ADAMTS19: variants seen among roughly 807,000 people sequenced by gnomAD.
The protein encoded by ADAMTS19 is A disintegrin and metalloproteinase with thrombospondin motifs 19.
A neutral mutation model predicts 153.3 loss-of-function variants in ADAMTS19; 93 were observed. That is an observed-to-expected ratio of 0.61 (90% CI 0.51 to 0.72). The LOEUF is 0.72. ADAMTS19 is among the 30% of genes least tolerant of loss of function. The probability of loss-of-function intolerance (pLI) is 0.00; values close to 1 mark genes in which losing one functional copy is unlikely to be tolerated. For synonymous variants in ADAMTS19, 600 were observed against 556.6 expected, an observed-to-expected ratio of 1.08 and a Z score of -1.10; for missense variants, 1,482 against 1,552.1, an observed-to-expected ratio of 0.95 and a Z score of 0.76.
At chr5:129,561,428 C>T (rs893150081) in intron 7 of ADAMTS19, among the ~76,000 whole-genome samples, 7 of 151,692 alleles carry the variant, frequency 4.6e-5, no homozygotes, top group Non-Finnish European at 1.0e-4. Context: ...ACTCGGGAGG[C>T]TGAGGCAGGA....
intron 6 of ADAMTS19, 68 bp from the exon 7 acceptor site, chr5:129,551,796 G>A (rs1165612443): frequency 1.1e-6 from 1 of 924,142 alleles, no homozygotes; most frequent in Non-Finnish European, 1.6e-6. Flanking sequence ...TATTAAAAAT[G>A]AGTCACTTGA....
intron 7 of ADAMTS19, among the ~76,000 whole-genome samples, chr5:129,557,551 A>G (rs1260131598): frequency 6.6e-6 from 1 of 152,142 alleles, no homozygotes; most frequent in Non-Finnish European, 1.5e-5. Context: ...GTGAGCCGAG[A>G]TGGTGGCACT....
At chr5:129,652,792 C>A (rs1355029065) in intron 13 of ADAMTS19, among the ~76,000 whole-genome samples, 1 of 152,278 alleles carries the variant, frequency 6.6e-6, no homozygotes, top group South Asian at 2.1e-4. Flanking sequence ...GTTTGCTCTT[C>A]TCTTCAATGA....
At chr5:129,522,477 G>T (rs1200995787) in intron 3 of ADAMTS19, among the ~76,000 whole-genome samples, 1 of 149,854 alleles carries the variant, frequency 6.7e-6, no homozygotes, top group African/African-American at 2.5e-5. Flanking sequence ...TTGTCATCTT[G>T]CATTGACTTG....
chr5:129,525,199 T>C (rs1417066658), intron 3 of ADAMTS19, among the ~76,000 whole-genome samples: 2 of 152,128 alleles, frequency 1.3e-5, no homozygotes, highest in African/African-American at 4.8e-5. Context: ...TATGCAAATA[T>C]TCAACTTTAG....
intron 2 of ADAMTS19, among the ~76,000 whole-genome samples, chr5:129,499,475 T>C (rs1314462370): frequency 6.6e-6 from 1 of 152,042 alleles, no homozygotes; most frequent in East Asian, 1.9e-4. Flanking sequence ...TATGATAGAG[T>C]TGAAAAGGCA....
intron 7 of ADAMTS19, among the ~76,000 whole-genome samples, chr5:129,592,954 A>G (rs1355542641): frequency 6.6e-6 from 1 of 152,138 alleles, no homozygotes; most frequent in African/African-American, 2.4e-5. Context: ...TTTATATTTT[A>G]TATACATTTA....
intron 16 of ADAMTS19, among the ~76,000 whole-genome samples, chr5:129,671,480 C>G (rs965963406): frequency 6.6e-6 from 1 of 152,038 alleles, no homozygotes; most frequent in Admixed American, 6.6e-5. Context: ...CCTAAAGGCT[C>G]CTTTGGGTAT....
chr5:129,533,845 G>A (rs556503476), intron 6 of ADAMTS19, among the ~76,000 whole-genome samples: 23 of 151,894 alleles, frequency 1.5e-4, no homozygotes, highest in Non-Finnish European at 2.9e-4. Flanking sequence ...CCTTCATTTC[G>A]TTATGTACCC....
chr5:129,564,464 A>G (rs1753635232), intron 7 of ADAMTS19, among the ~76,000 whole-genome samples: 1 of 152,218 alleles, frequency 6.6e-6, no homozygotes. Flanking sequence ...ATGCAAGTAT[A>G]TACATGATCC....
At chr5:129,678,021 C>G (rs1754627480) in intron 16 of ADAMTS19, among the ~76,000 whole-genome samples, 1 of 152,254 alleles carries the variant, frequency 6.6e-6, no homozygotes, top group South Asian at 2.1e-4. Flanking sequence ...CCATGTTGTC[C>G]AGACTGGTCT....
intron 3 of ADAMTS19, among the ~76,000 whole-genome samples, chr5:129,517,340 A>C (rs1461756128): frequency 6.6e-6 from 1 of 151,708 alleles, no homozygotes; most frequent in East Asian, 1.9e-4. Context: ...TTCTTGGTTG[A>C]TTTTCTGTCT....
chr5:129,734,989 A>T lies in ADAMTS19; in HGVS notation c.3370A>T (p.Ile1124Phe). Residue 1124 changes from isoleucine to phenylalanine, a missense_variant, in exon 22 of 23, where the codon ATC (isoleucine) becomes TTC (phenylalanine). Coordinates refer to ENST00000274487, the MANE Select transcript of ADAMTS19 (RefSeq NM_133638.6). ...QSRVIQCMHK[I>F]TGRHGNECFS... ...CCGTGTAATCCAATGCATGCATAAG[A>T]TCACAGGAAGACATGGAAATGAATG... 1 of 1,612,390 alleles carries T rather than the reference A, an allele frequency of 6.2e-7. No individual in the cohort carries two copies. The highest frequency in any genetic ancestry group is 8.5e-7 in the Non-Finnish European group (1 of 1,179,026).
chr5:129,561,913 G>C (rs1027690635), intron 7 of ADAMTS19, among the ~76,000 whole-genome samples: 1 of 151,870 alleles, frequency 6.6e-6, no homozygotes, highest in Non-Finnish European at 1.5e-5. Context: ...AAGTATTTAA[G>C]TTTTGAGAAG....
rs550103940 is a variant in ADAMTS19, at chr5:129,738,238, C to T, written c.*1020C>T. 1 of 151,806 alleles carries T rather than the reference C, an allele frequency of 6.6e-6. No individual in the cohort carries two copies. Among genetic ancestry groups the T allele is most frequent in the African/African-American group, 2.4e-5 (1 of 41,356 alleles). 9.4% of individuals were successfully genotyped at this position (151,806 alleles called of 1,614,324 possible). ...TAAAAAGTTTTACAATTATGTGAAACGTTCAAAAGCCAGCTTAAAATTTTT... is the reference window on the plus strand; with the variant it reads ...TAAAAAGTTTTACAATTATGTGAAATGTTCAAAAGCCAGCTTAAAATTTTT... On this transcript the variant is annotated 3_prime_UTR_variant, in exon 23 of 23. Coordinates refer to ENST00000274487, the MANE Select transcript of ADAMTS19 (RefSeq NM_133638.6).
chr5:129,717,862 T>G (rs73785261), intron 21 of ADAMTS19, among the ~76,000 whole-genome samples: 131 of 152,308 alleles, frequency 8.6e-4, no homozygotes, highest in African/African-American at 3.1e-3. Flanking sequence ...CACAGTTCTC[T>G]CTCACATGGC....
chr5:129,583,754 G>C lies in ADAMTS19; in HGVS notation c.1373-12805G>C, dbSNP rs577418827. On this transcript the variant is annotated intron_variant, in intron 7 of 22. Transcript: ENST00000274487. ...CGAAGTTCTTGTGCTGTGTTTTTCAGCTCCATCGCATCATTTCTGTTCTTC... is the reference window on the plus strand; with the variant it reads ...CGAAGTTCTTGTGCTGTGTTTTTCACCTCCATCGCATCATTTCTGTTCTTC... Among the ~76,000 whole-genome samples the C allele has an allele frequency of 7.9e-5, 12 of 151,646 alleles. No individual in the cohort carries two copies. The South Asian group carries it at 8.3e-4, about 11-fold the overall frequency.
intron 2 of ADAMTS19, among the ~76,000 whole-genome samples, chr5:129,464,450 A>T (rs1037725765): frequency 6.6e-6 from 1 of 152,226 alleles, no homozygotes; most frequent in Non-Finnish European, 1.5e-5. Context: ...TGCAGAGAAG[A>T]GGGTAGTTCA....
chr5:129,517,565 G>A (rs553837639), intron 3 of ADAMTS19, among the ~76,000 whole-genome samples: 12 of 151,732 alleles, frequency 7.9e-5, no homozygotes, highest in South Asian at 2.1e-4. Flanking sequence ...TACAGTTTTT[G>A]TCTTGAAATC....
Sources: gnomAD v4.1 joint callset for allele counts (sites outside exome capture counted in the v4.1 genomes callset) on GRCh38, gnomAD v4.1.1 for gene constraint, MANE v1.5 for transcripts, NCBI Gene and HGNC (gene_info 2026-07-23, HGNC 2026-07-21) for gene names.